The following PTCHD4 variants were observed in gnomAD, a reference collection of about 807,000 sequenced individuals.
The protein encoded by PTCHD4 is patched domain-containing protein 4.
In PTCHD4, 33 loss-of-function variants were observed where a neutral mutation model predicts 58.1. The observed-to-expected ratio is 0.57, with a 90% CI of 0.43 to 0.76. The LOEUF (loss-of-function observed/expected upper bound fraction) is 0.76, where lower values mean the gene tolerates loss of function less well. PTCHD4 is among the 30% of genes least tolerant of loss of function. PTCHD4 has a pLI of 0.00. For missense variants in PTCHD4, 1,058 were observed against 1,027.1 expected, an observed-to-expected ratio of 1.03 and a Z score of -0.41; for synonymous variants, 478 against 409.6, an observed-to-expected ratio of 1.17 and a Z score of -2.02.
At chr6:47,896,582 A>G (rs1358183252) in intron 4 of PTCHD4, among the ~76,000 whole-genome samples, 1 of 152,186 alleles carries the variant, frequency 6.6e-6, no homozygotes, top group Non-Finnish European at 1.5e-5. Flanking sequence ...TGAAAATGTA[A>G]ATACTCCTGA....
intron 1 of PTCHD4, among the ~76,000 whole-genome samples, chr6:48,101,707 T>TCTAACCTTTGATGTCATCTAA (rs1765606559): frequency 1.3e-5 from 2 of 152,232 alleles, no homozygotes; most frequent in Non-Finnish European, 2.9e-5. Context: ...TCCTATGTCA[T>TCTAACCTTTGATGTCATCTAA]CATCAAAGAA....
intron 4 of PTCHD4, among the ~76,000 whole-genome samples, chr6:47,982,380 T>C (rs1214699578): frequency 2.0e-5 from 3 of 152,140 alleles, no homozygotes; most frequent in African/African-American, 2.4e-5. Context: ...TTTATCTCTG[T>C]GCCTGTCATG....
intron 4 of PTCHD4, among the ~76,000 whole-genome samples, chr6:47,929,702 T>C (rs771557245): frequency 6.6e-6 from 1 of 152,230 alleles, no homozygotes; most frequent in Non-Finnish European, 1.5e-5. Context: ...TCTTAAATGC[T>C]CTGGTGCTGT....
In PTCHD4 at chr6:47,863,796, G is replaced by A. The variant is rs1360571247; in HGVS notation, c.*14507C>T. Among the ~76,000 whole-genome samples, 1 of 151,832 alleles carries A rather than the reference G, an allele frequency of 6.6e-6. No individual in the cohort carries two copies. The highest frequency in any genetic ancestry group is 1.5e-5 in the Non-Finnish European group (1 of 67,894). On this transcript the variant is annotated 3_prime_UTR_variant, in exon 5 of 5. Transcript: ENST00000339488. Reference sequence around the variant, plus strand: ...TTCCATGTTCCTAAATTTTCTTCATGAAAAGACTGTCCAGAGCAACTTATT... The same window carrying A: ...TTCCATGTTCCTAAATTTTCTTCATAAAAAGACTGTCCAGAGCAACTTATT...
intron 4 of PTCHD4, among the ~76,000 whole-genome samples, chr6:47,926,101 A>C (rs1235704802): frequency 6.6e-6 from 1 of 152,222 alleles, no homozygotes; most frequent in Non-Finnish European, 1.5e-5. Context: ...CGTGAAGAAC[A>C]TCCTCACCTC....
rs1214462486 is a variant in PTCHD4, at chr6:47,879,205, C to T, written c.1630G>A (p.Ala544Thr). The change falls in exon 5 of 5, where the codon GCA (alanine) becomes ACA (threonine). Residue 544 changes from alanine (A) to threonine (T), a missense_variant. Transcript: ENST00000339488. ...DLRRLCSGFT[A>T]VSWVEQYYQF... is the part of the protein sequence containing the mutation. The stretch of plus-strand genomic sequence containing the variant: ...TAGTACTGCTCCACCCAGGACACTG[C>T]AGTGAATCCACTACAGAGTCTTCTT... The T allele has an allele frequency of 6.2e-7, 1 of 1,612,638 alleles. No homozygotes were observed. The highest frequency in any genetic ancestry group is 8.5e-7 in the Non-Finnish European group (1 of 1,179,512).
intron 3 of PTCHD4, among the ~76,000 whole-genome samples, chr6:48,061,005 C>T (rs1764607995): frequency 6.6e-6 from 1 of 152,188 alleles, no homozygotes; most frequent in Admixed American, 6.5e-5. Flanking sequence ...CATAATAATC[C>T]TGTCTGAAGA....
chr6:48,023,862 C>T (rs1418100046), intron 3 of PTCHD4, among the ~76,000 whole-genome samples: 1 of 152,064 alleles, frequency 6.6e-6, no homozygotes, highest in Non-Finnish European at 1.5e-5. Context: ...AGGAAAGACC[C>T]ATAGTTCATG....
intron 4 of PTCHD4, among the ~76,000 whole-genome samples, chr6:47,929,181 A>T: frequency 6.6e-6 from 1 of 152,336 alleles, no homozygotes; most frequent in East Asian, 1.9e-4. Context: ...AAAATGAAAA[A>T]AAATTGGCTA....
chr6:48,001,218 G>C (rs1485348207), intron 4 of PTCHD4, among the ~76,000 whole-genome samples: 1 of 152,270 alleles, frequency 6.6e-6, no homozygotes, highest in East Asian at 1.9e-4. Flanking sequence ...TCCCCATCAA[G>C]CTACCAATGA....
rs1270294971 is a variant in PTCHD4 at position 48,065,881 on chromosome 6, T to C, written c.417+2349A>G. 2.0e-5 allele frequency among the ~76,000 whole-genome samples: 3 copies of C among 152,226 alleles called. No homozygotes were observed. The East Asian group carries it at 5.8e-4, about 29-fold the overall frequency. ...TTTAGCTAATGTGTAACACTTCTGT[T>C]CTTTTTATGCTATTATGATATTAAC... On this transcript the variant is annotated intron_variant, in intron 3 of 4. Coordinates refer to ENST00000339488, the MANE Select transcript of PTCHD4 (RefSeq NM_001384253.1).
At chr6:48,082,468 C>CCA (rs938379417) in intron 1 of PTCHD4, among the ~76,000 whole-genome samples, 13 of 151,712 alleles carry the variant, frequency 8.6e-5, no homozygotes, top group Admixed American at 6.6e-5. Flanking sequence ...ACAGATGAAA[C>CCA]CACACACACA....
At chr6:48,108,066 A>G (rs1477384618) in intron 1 of PTCHD4, among the ~76,000 whole-genome samples, 1 of 152,230 alleles carries the variant, frequency 6.6e-6, no homozygotes, top group African/African-American at 2.4e-5. Flanking sequence ...ATCTAGAACT[A>G]GAAATACGAT....
chr6:48,107,808 C>T (rs1488952189), intron 1 of PTCHD4, among the ~76,000 whole-genome samples: 1 of 152,210 alleles, frequency 6.6e-6, no homozygotes, highest in Non-Finnish European at 1.5e-5. Flanking sequence ...ACAGACACTT[C>T]TCAAAAGAAG....
intron 1 of PTCHD4, among the ~76,000 whole-genome samples, chr6:48,084,966 A>G (rs1472328353): frequency 6.6e-6 from 1 of 150,984 alleles, no homozygotes; most frequent in Admixed American, 6.6e-5. Context: ...CTGGTCACAA[A>G]CTCCTGAGCT....
In PTCHD4 at chr6:48,068,586, G is replaced by C. The variant is rs765727566; in HGVS notation, c.61C>G (p.Arg21Gly). The C allele has an allele frequency of 3.8e-6, 6 of 1,560,074 alleles. No homozygotes were observed. The South Asian group carries it at 5.8e-5, about 15-fold the overall frequency. ...TGGCAGAACGACTGGAGCCCTCTGC[G>C]AAGCACCTGCCGCAGCATCCTCCAC... ...IWWRMLRQVL[R>G]RGLQSFCHRL... The change falls in exon 3 of 5, where the codon CGC becomes GGC. Residue 21 changes from arginine to glycine, a missense_variant. Coordinates refer to ENST00000339488, the MANE Select transcript of PTCHD4 (RefSeq NM_001384253.1). The surrounding 1 kb of genome is among the most constrained non-coding windows in gnomAD (Gnocchi z 4.2).
At chr6:47,947,749 G>A (rs1766480371) in intron 4 of PTCHD4, among the ~76,000 whole-genome samples, 1 of 151,928 alleles carries the variant, frequency 6.6e-6, no homozygotes, top group Admixed American at 6.6e-5. Flanking sequence ...ATTTGGATAT[G>A]GATATCTTTT....
intron 1 of PTCHD4, among the ~76,000 whole-genome samples, chr6:48,100,762 T>C (rs1765587928): frequency 6.6e-6 from 1 of 152,260 alleles, no homozygotes. Flanking sequence ...TGTGTGTTTC[T>C]TGCTTCAGCC....
At chr6:47,915,569 A>C (rs954647829) in intron 4 of PTCHD4, among the ~76,000 whole-genome samples, 2 of 89,218 alleles carry the variant, frequency 2.2e-5, no homozygotes, top group Admixed American at 3.1e-4. Context: ...AATAGAAGAC[A>C]GATTTTTTTT....
Sources: gnomAD v4.1 joint callset for allele counts (sites outside exome capture counted in the v4.1 genomes callset) on GRCh38, gnomAD v4.1.1 for gene constraint, Gnocchi (gnomAD v3.1) non-coding constraint, MANE v1.5 for transcripts, NCBI Gene and HGNC (gene_info 2026-07-23, HGNC 2026-07-21) for gene names.